The following NELL2 variants were observed in gnomAD, a reference collection of about 807,000 sequenced individuals.
NELL2 encodes neural EGFL like 2.
A neutral mutation model predicts 109.6 loss-of-function variants in NELL2; 41 were observed. That is an observed-to-expected ratio of 0.37 (90% CI 0.29 to 0.49). The LOEUF is 0.49. Among genes scored for constraint, NELL2 ranks in the 20% least tolerant of loss-of-function variants. The pLI is 0.98. For synonymous variants in NELL2, 355 were observed against 344.7 expected, an observed-to-expected ratio of 1.03 and a Z score of -0.33; for missense variants, 900 against 1,008.3, an observed-to-expected ratio of 0.89 and a Z score of 1.45.
At chr12:44,741,530 G>A (rs1320640380) in intron 9 of NELL2, among the ~76,000 whole-genome samples, 1 of 152,238 alleles carries the variant, frequency 6.6e-6, no homozygotes, top group African/African-American at 2.4e-5. Context: ...GAAGTGCAAG[G>A]GGTCAGGGAA....
At chr12:44,825,098 T>C (rs776482377) in intron 2 of NELL2, among the ~76,000 whole-genome samples, 3 of 152,208 alleles carry the variant, frequency 2.0e-5, no homozygotes, top group East Asian at 3.9e-4. Context: ...TGGGGTCTTT[T>C]GTAATTTGAT....
chr12:44,875,064 T>G, intron 2 of NELL2, 161 bp downstream of exon 2: 1 of 968,506 alleles, frequency 1.0e-6, no homozygotes, highest in South Asian at 1.9e-5. Flanking sequence ...AAAAACCACT[T>G]AAAAGAGATA....
At chr12:44,795,741 A>G (rs1471061765) in intron 3 of NELL2, among the ~76,000 whole-genome samples, 1 of 152,138 alleles carries the variant, frequency 6.6e-6, no homozygotes, top group Non-Finnish European at 1.5e-5. Flanking sequence ...ATAAAGAGTG[A>G]ACTACAGTGG....
chr12:44,580,637 C>T (rs1944290458), intron 15 of NELL2, among the ~76,000 whole-genome samples: 1 of 152,120 alleles, frequency 6.6e-6, no homozygotes, highest in South Asian at 2.1e-4. Flanking sequence ...CGCTAGAACC[C>T]AGGAGGCAGA....
At chr12:44,525,303 A>G (rs754611479) in intron 16 of NELL2, among the ~76,000 whole-genome samples, 2 of 152,236 alleles carry the variant, frequency 1.3e-5, no homozygotes, top group South Asian at 2.1e-4. Flanking sequence ...CACAAGACGA[A>G]TATGTATACT....
chr12:44,737,420 G>A (rs1386337427), intron 9 of NELL2, among the ~76,000 whole-genome samples: 1 of 149,468 alleles, frequency 6.7e-6, no homozygotes, highest in African/African-American at 2.4e-5. Flanking sequence ...CTCTTTAATA[G>A]GCAGATTTCT....
chr12:44,580,403 T>C (rs1944278857), intron 15 of NELL2, among the ~76,000 whole-genome samples: 4 of 152,056 alleles, frequency 2.6e-5, no homozygotes, highest in Admixed American at 2.6e-4. Flanking sequence ...TGACACAAAG[T>C]AAGTGCTCAG....
intron 13 of NELL2, 54 bp downstream of exon 13, chr12:44,665,430 A>T: frequency 2.7e-6 from 4 of 1,492,082 alleles, no homozygotes; most frequent in Non-Finnish European, 3.6e-6. Context: ...AGAAATTTTT[A>T]AAAGTAAACT....
chr12:44,746,574 T>G (rs1309282566), intron 9 of NELL2, among the ~76,000 whole-genome samples: 1 of 152,076 alleles, frequency 6.6e-6, no homozygotes, highest in Non-Finnish European at 1.5e-5. Context: ...ATACCCAGAA[T>G]CTACAATGAA....
intron 12 of NELL2, among the ~76,000 whole-genome samples, chr12:44,676,522 A>G (rs1948325603): frequency 6.6e-6 from 1 of 152,138 alleles, no homozygotes; most frequent in Non-Finnish European, 1.5e-5. Flanking sequence ...TGAATGTATG[A>G]TTGAAGGATA....
upstream of NELL2, chr12:44,914,141 A>T (rs1215937502): frequency 6.2e-6 from 1 of 162,352 alleles, no homozygotes; most frequent in African/African-American, 2.4e-5. Flanking sequence ...CAAAGAAGTG[A>T]TCCTTTTAAA....
chr12:44,541,980 C>T (rs184636079), intron 15 of NELL2, among the ~76,000 whole-genome samples: 17 of 152,332 alleles, frequency 1.1e-4, no homozygotes, highest in African/African-American at 3.8e-4. Flanking sequence ...CTTGCCCATA[C>T]ACAATGTTGC....
intron 15 of NELL2, among the ~76,000 whole-genome samples, chr12:44,549,064 A>C (rs1275825412): frequency 6.6e-6 from 1 of 152,228 alleles, no homozygotes; most frequent in Non-Finnish European, 1.5e-5. Context: ...AATTAATGAT[A>C]AATTCTACTA....
At chr12:44,599,544 A>C (rs917758037) in intron 15 of NELL2, among the ~76,000 whole-genome samples, 1 of 152,158 alleles carries the variant, frequency 6.6e-6, no homozygotes, top group African/African-American at 2.4e-5. Flanking sequence ...AAGGCACAAC[A>C]CTGAGAGATA....
At chr12:44,822,269 T>C (rs571858036) in intron 2 of NELL2, among the ~76,000 whole-genome samples, 1 of 152,282 alleles carries the variant, frequency 6.6e-6, no homozygotes, top group East Asian at 1.9e-4. Flanking sequence ...ATAATGTTAT[T>C]ATTATTACTC....
At chr12:44,537,232 T>C (rs1314136222) in intron 15 of NELL2, among the ~76,000 whole-genome samples, 1 of 152,086 alleles carries the variant, frequency 6.6e-6, no homozygotes, top group African/African-American at 2.4e-5. Context: ...AAATTATTTC[T>C]TGTAAAATTA....
At position 44,728,357 on chromosome 12, in the gene NELL2, T is replaced by C. The variant is rs117678605; in HGVS notation, c.995-13616A>G. Among the ~76,000 whole-genome samples, 1,480 of 152,178 alleles carry C rather than the reference T, an allele frequency of 9.7e-3. 10 individuals carry two copies. Among genetic ancestry groups the C allele is most frequent in the Non-Finnish European group, 0.014 (933 of 67,938 alleles). On this transcript the variant is annotated intron_variant, in intron 9 of 19. Coordinates refer to ENST00000429094, the MANE Select transcript of NELL2 (RefSeq NM_001145108.2). ...ACAATAACTGAATTGAAAAATCCACTAGAGGAGTTCAACAGTAGATTTGAT... is the reference window on the plus strand; with the variant it reads ...ACAATAACTGAATTGAAAAATCCACCAGAGGAGTTCAACAGTAGATTTGAT...
At chr12:44,611,205 C>T (rs866988983) in intron 13 of NELL2, among the ~76,000 whole-genome samples, 29 of 152,102 alleles carry the variant, frequency 1.9e-4, no homozygotes, top group Admixed American at 4.6e-4. Flanking sequence ...GGCCTACCAA[C>T]GGTTGCAAGA....
Position 44,779,778 on chromosome 12 carries a change from A to C in NELL2, c.510-19T>G, listed in dbSNP as rs192719148. On this transcript the variant is annotated intron_variant, in intron 4 of 19. Coordinates refer to ENST00000429094, the MANE Select transcript of NELL2 (RefSeq NM_001145108.2). ...ATAAATTCTGCAAAAAAGAAACATC[A>C]AAGAAGGAACGTGAGTAGACAGTCA... 118 of 1,613,694 alleles carry C rather than the reference A, an allele frequency of 7.3e-5. 1 individual carries two copies. In the Middle Eastern group the frequency reaches 1.2e-3, roughly 16 times the overall value.
Sources: allele counts gnomAD v4.1 joint callset (sites outside exome capture counted in the v4.1 genomes callset), GRCh38; gene constraint gnomAD v4.1.1; transcripts MANE v1.5; gene names NCBI Gene and HGNC (gene_info 2026-07-23, HGNC 2026-07-21).